Variants in ROBO1 observed in about 807,000 individuals in gnomAD.
ROBO1 encodes roundabout guidance receptor 1.
ROBO1 carries 149 observed loss-of-function variants against 195.9 expected under a neutral mutation model. The ratio of observed to expected loss-of-function variants is 0.76; its 90% CI spans 0.67 to 0.87. ROBO1 has a LOEUF of 0.87. Among genes scored for constraint, ROBO1 ranks in the 40% least tolerant of loss-of-function variants. The pLI, the probability that ROBO1 is intolerant of heterozygous loss-of-function variation, is 0.00. For synonymous variants in ROBO1, 816 were observed against 733.2 expected, an observed-to-expected ratio of 1.11 and a Z score of -1.82; for missense variants, 1,933 against 2,068.3, an observed-to-expected ratio of 0.93 and a Z score of 1.27.
At chr3:79,554,829 A>G (rs1448601514) in intron 2 of ROBO1, among the ~76,000 whole-genome samples, 1 of 152,126 alleles carries the variant, frequency 6.6e-6, no homozygotes, top group Non-Finnish European at 1.5e-5. Flanking sequence ...TTGCTTTCTA[A>G]TCTATGAAGT....
chr3:78,869,603 G>A (rs1019058016), intron 4 of ROBO1, among the ~76,000 whole-genome samples: 1 of 151,988 alleles, frequency 6.6e-6, no homozygotes, highest in Non-Finnish European at 1.5e-5. Flanking sequence ...GACCACAAGT[G>A]CGCCTCCACA....
At chr3:78,766,160 C>T (rs757942947) in intron 4 of ROBO1, among the ~76,000 whole-genome samples, 3 of 152,038 alleles carry the variant, frequency 2.0e-5, no homozygotes, top group Non-Finnish European at 4.4e-5. Context: ...TTGCAACTTC[C>T]CAGTTGAAAT....
chr3:78,741,310 T>C (rs2082529266), intron 5 of ROBO1, among the ~76,000 whole-genome samples: 1 of 152,202 alleles, frequency 6.6e-6, no homozygotes, highest in African/African-American at 2.4e-5. Context: ...TGCAATTGTC[T>C]GTGACCCAAA....
At chr3:78,606,086 T>G (rs1703444622) in intron 29 of ROBO1, among the ~76,000 whole-genome samples, 1 of 152,230 alleles carries the variant, frequency 6.6e-6, no homozygotes, top group African/African-American at 2.4e-5. Flanking sequence ...CATATCTGAT[T>G]ATGTCATTTC....
chr3:79,755,183 AT>A (rs1434807361), intron 1 of ROBO1, among the ~76,000 whole-genome samples: 1 of 152,044 alleles, frequency 6.6e-6, no homozygotes, highest in Non-Finnish European at 1.5e-5. Flanking sequence ...CCAGGCCCTG[AT>A]ATCACTTTAA....
intron 4 of ROBO1, among the ~76,000 whole-genome samples, chr3:78,750,572 A>C (rs1044758873): frequency 2.0e-5 from 3 of 152,016 alleles, no homozygotes; most frequent in Non-Finnish European, 4.4e-5. Context: ...TGAAAACTTT[A>C]CATCAATTTT....
At chr3:78,634,068 T>C (rs1402719956) in intron 23 of ROBO1, 26 bp from the exon 24 acceptor site, 3 of 1,458,676 alleles carry the variant, frequency 2.1e-6, no homozygotes, top group South Asian at 1.2e-5. Context: ...GAAAAAACAA[T>C]AAACATTTAT....
intron 3 of ROBO1, among the ~76,000 whole-genome samples, chr3:78,949,923 C>A (rs1288424507): frequency 6.6e-6 from 1 of 152,178 alleles, no homozygotes; most frequent in African/African-American, 2.4e-5. Flanking sequence ...CTCATCATCA[C>A]TGGCCATCAG....
At chr3:79,613,997 C>T (rs1455220775) in intron 1 of ROBO1, among the ~76,000 whole-genome samples, 1 of 151,762 alleles carries the variant, frequency 6.6e-6, no homozygotes, top group African/African-American at 2.4e-5. Context: ...CACCTAACAA[C>T]AGAGATTTAA....
chr3:78,598,241 A>G lies in ROBO1; in HGVS notation c.*672T>C, dbSNP rs1038361614. 6.6e-6 allele frequency: 1 copy of G among 152,358 alleles called. No individual in the cohort carries two copies. The highest frequency in any genetic ancestry group is 2.4e-5 in the African/African-American group (1 of 41,458). 9.4% of individuals were successfully genotyped at this position (152,358 alleles called of 1,614,324 possible). On this transcript the variant is annotated 3_prime_UTR_variant, in exon 31 of 31. Transcript: ENST00000464233. Reference sequence around the variant, plus strand: ...CAACTGGCTTAGCCCTACTTATCCAAAAGTACATTTCCAATAAGAATATAC... The same window carrying G: ...CAACTGGCTTAGCCCTACTTATCCAGAAGTACATTTCCAATAAGAATATAC...
At chr3:79,657,039 T>C (rs1404753360) in intron 1 of ROBO1, among the ~76,000 whole-genome samples, 1 of 152,138 alleles carries the variant, frequency 6.6e-6, no homozygotes, top group Non-Finnish European at 1.5e-5. Flanking sequence ...TATGTCAGAT[T>C]TGTGTTTTTA....
intron 3 of ROBO1, among the ~76,000 whole-genome samples, chr3:79,032,569 C>A (rs1014645457): frequency 2.0e-5 from 3 of 151,938 alleles, no homozygotes; most frequent in African/African-American, 7.2e-5. Flanking sequence ...GCAATAGAAT[C>A]TCTCTCTATA....
chr3:79,016,670 T>G (rs1224527399), intron 3 of ROBO1, among the ~76,000 whole-genome samples: 2 of 152,186 alleles, frequency 1.3e-5, no homozygotes, highest in East Asian at 3.9e-4. Flanking sequence ...ACAGCCATGA[T>G]AAAATGTTCC....
intron 2 of ROBO1, among the ~76,000 whole-genome samples, chr3:79,416,006 T>C (rs1575795748): frequency 1.3e-5 from 2 of 152,070 alleles, no homozygotes; most frequent in South Asian, 4.1e-4. Context: ...AACTAAAAAA[T>C]GTCACTATCA....
At chr3:78,831,840 T>C (rs562084508) in intron 4 of ROBO1, among the ~76,000 whole-genome samples, 1 of 152,288 alleles carries the variant, frequency 6.6e-6, no homozygotes, top group South Asian at 2.1e-4. Flanking sequence ...GAACTCCCCT[T>C]TATAAAACCA....
intron 3 of ROBO1, among the ~76,000 whole-genome samples, chr3:78,947,615 C>T (rs149453748): frequency 1.1e-4 from 16 of 151,994 alleles, no homozygotes; most frequent in South Asian, 8.3e-4. Context: ...TTAAAAGAAC[C>T]AGAAAAGCAA....
chr3:79,624,560 C>G (rs1204680920), intron 1 of ROBO1, among the ~76,000 whole-genome samples: 1 of 151,754 alleles, frequency 6.6e-6, no homozygotes, highest in Admixed American at 6.6e-5. Flanking sequence ...CAGTCTCTGA[C>G]AAAACAGACT....
Position 79,325,049 on chromosome 3 carries a change from G to A in ROBO1, c.89-199510C>T, listed in dbSNP as rs567438340. 4.0e-4 allele frequency among the ~76,000 whole-genome samples: 61 copies of A among 152,288 alleles called. 1 individual carries two copies. Among genetic ancestry groups the A allele is most frequent in the African/African-American group, 1.4e-3 (59 of 41,556 alleles). On this transcript the variant is annotated intron_variant, in intron 2 of 30. Coordinates refer to ENST00000464233, the MANE Select transcript of ROBO1 (RefSeq NM_002941.4). Reference sequence around the variant, plus strand: ...ACAGAATAGTTGAGACTGATTCTCCGATTACGTGGATTATCCCTCAGAGCG... The same window carrying A: ...ACAGAATAGTTGAGACTGATTCTCCAATTACGTGGATTATCCCTCAGAGCG...
intron 3 of ROBO1, among the ~76,000 whole-genome samples, chr3:79,122,420 G>A (rs547748651): frequency 1.4e-4 from 21 of 152,032 alleles, no homozygotes; most frequent in African/African-American, 4.8e-4. Context: ...TCTAGAGATG[G>A]TAAGGAGAAA....
Sources: gnomAD v4.1 joint callset for allele counts (sites outside exome capture counted in the v4.1 genomes callset) on GRCh38, gnomAD v4.1.1 for gene constraint, MANE v1.5 for transcripts, NCBI Gene and HGNC (gene_info 2026-07-23, HGNC 2026-07-21) for gene names.